Variants in SLC35F1 observed in about 807,000 individuals in gnomAD.
The protein encoded by SLC35F1 is solute carrier family 35 member F1, also known as chromosome 6 open reading frame 169.
SLC35F1 carries 14 observed loss-of-function variants against 48.7 expected under a neutral mutation model. The ratio of observed to expected loss-of-function variants is 0.29; its 90% CI spans 0.19 to 0.45. SLC35F1 has a LOEUF of 0.45. SLC35F1 is among the 20% of genes least tolerant of loss of function. The pLI is 1.00. For synonymous variants in SLC35F1, 190 were observed against 202.2 expected, an observed-to-expected ratio of 0.94 and a Z score of 0.51; for missense variants, 404 against 500.0, an observed-to-expected ratio of 0.81 and a Z score of 1.83.
chr6:118,156,166 CTA>C (rs1774137272), intron 2 of SLC35F1, among the ~76,000 whole-genome samples: 2 of 151,802 alleles, frequency 1.3e-5, no homozygotes, highest in Non-Finnish European at 2.9e-5. Flanking sequence ...TGAATCTCAG[CTA>C]TGTTTCCTGA....
chr6:117,957,608 T>C (rs1448777666), intron 1 of SLC35F1, among the ~76,000 whole-genome samples: 1 of 152,230 alleles, frequency 6.6e-6, no homozygotes, highest in Non-Finnish European at 1.5e-5. Context: ...GATATAGTCA[T>C]GTGCCACATA....
intron 2 of SLC35F1, among the ~76,000 whole-genome samples, chr6:118,194,877 A>G (rs1774779944): frequency 6.6e-6 from 1 of 152,128 alleles, no homozygotes; most frequent in Non-Finnish European, 1.5e-5. Flanking sequence ...CCAAGCCACA[A>G]CACAAAAGAA....
intron 7 of SLC35F1, among the ~76,000 whole-genome samples, chr6:118,286,110 G>A (rs886871964): frequency 6.6e-6 from 1 of 152,166 alleles, no homozygotes; most frequent in African/African-American, 2.4e-5. Flanking sequence ...AACAAGTCCT[G>A]TAAGACAAGA....
At chr6:118,272,689 AT>A (rs1775867256) in intron 4 of SLC35F1, among the ~76,000 whole-genome samples, 1 of 149,436 alleles carries the variant, frequency 6.7e-6, no homozygotes, top group Non-Finnish European at 1.5e-5. Context: ...GATTGAATAA[AT>A]CTCATTAAAA....
intron 1 of SLC35F1, among the ~76,000 whole-genome samples, chr6:117,975,741 A>G (rs1776697756): frequency 6.6e-6 from 1 of 152,228 alleles, no homozygotes; most frequent in African/African-American, 2.4e-5. Context: ...TGTATTCTAA[A>G]TAATCTCCAA....
chr6:118,256,232 G>A (rs1051308525), intron 3 of SLC35F1, among the ~76,000 whole-genome samples: 1 of 94,028 alleles, frequency 1.1e-5, no homozygotes, highest in African/African-American at 3.3e-5. Flanking sequence ...GTGTGTGTGT[G>A]TGTGTGTGTG....
intron 3 of SLC35F1, among the ~76,000 whole-genome samples, chr6:118,238,874 A>G (rs747327508): frequency 1.3e-5 from 2 of 152,284 alleles, no homozygotes; most frequent in African/African-American, 4.8e-5. Flanking sequence ...CAATAGAAGT[A>G]CTGCTGGCAT....
rs148137741 is a variant in SLC35F1, at chr6:117,952,978, T to C, written c.173+45079T>C. ...ATAAACCAGATACAGTTGTAACTGCTCTGGTTGAAGCAGAGAGAAGCGAGA... is the reference window on the plus strand; with the variant it reads ...ATAAACCAGATACAGTTGTAACTGCCCTGGTTGAAGCAGAGAGAAGCGAGA... On this transcript the variant is annotated intron_variant, in intron 1 of 7. Coordinates refer to ENST00000360388, the MANE Select transcript of SLC35F1 (RefSeq NM_001029858.4). 7.1e-3 allele frequency among the ~76,000 whole-genome samples: 1,076 copies of C among 152,272 alleles called. 11 individuals are homozygous for C. The highest frequency in any genetic ancestry group is 0.024 in the African/African-American group (983 of 41,546).
chr6:118,223,848 G>T (rs552831723), intron 2 of SLC35F1, among the ~76,000 whole-genome samples: 1 of 152,316 alleles, frequency 6.6e-6, no homozygotes, highest in African/African-American at 2.4e-5. Context: ...CTGTCATGTT[G>T]TCTCTTAAAT....
chr6:118,177,778 C>A (rs1364184050), intron 2 of SLC35F1, among the ~76,000 whole-genome samples: 2 of 151,744 alleles, frequency 1.3e-5, no homozygotes, highest in Non-Finnish European at 2.9e-5. Flanking sequence ...TTTTAACTTA[C>A]TACTATAGAT....
In SLC35F1 at chr6:118,314,038, T is replaced by C; in HGVS notation, c.1013T>C (p.Leu338Pro). 1 of 1,614,204 alleles carries C rather than the reference T, an allele frequency of 6.2e-7. No homozygotes were observed. Reference sequence around the variant, plus strand: ...GTTGTGTTTTTTTAGTTTTCAGGACTTTATCTCCTGTCTTTCTTCACCATC... The same window carrying C: ...GTTGTGTTTTTTTAGTTTTCAGGACCTTATCTCCTGTCTTTCTTCACCATC... ...LFLFHYKFSG[L>P]YLLSFFTILI... is the part of the protein sequence containing the mutation. The change falls in exon 8 of 8, where the codon CTT becomes CCT. Residue 338 changes from leucine to proline, a missense_variant. This residue lies in a region of SLC35F1 where 306 missense variants were observed against 419.1 expected (regional missense o/e 0.73). Coordinates refer to ENST00000360388, the MANE Select transcript of SLC35F1 (RefSeq NM_001029858.4).
At chr6:118,211,235 T>A (rs923662899) in intron 2 of SLC35F1, among the ~76,000 whole-genome samples, 2 of 152,222 alleles carry the variant, frequency 1.3e-5, no homozygotes, top group African/African-American at 4.8e-5. Context: ...GCAGCCTTAG[T>A]AAACTGACAG....
chr6:118,154,422 GT>G (rs750461990), intron 1 of SLC35F1, 22 bp from the exon 2 acceptor site: 10 of 1,586,606 alleles, frequency 6.3e-6, no homozygotes, highest in South Asian at 3.5e-5. Flanking sequence ...CCTTTGCTGT[GT>G]TTTTTTTCCT....
chr6:118,036,142 G>T (rs1368340898), intron 1 of SLC35F1, among the ~76,000 whole-genome samples: 4 of 151,868 alleles, frequency 2.6e-5, no homozygotes, highest in African/African-American at 9.7e-5. Context: ...GGTTATTGGG[G>T]TTTTTTTCTT....
intron 2 of SLC35F1, among the ~76,000 whole-genome samples, chr6:118,204,743 C>A (rs576784767): frequency 2.0e-4 from 30 of 152,144 alleles, no homozygotes; most frequent in Non-Finnish European, 3.7e-4. Context: ...TAACCAGTAT[C>A]CAAATCAAGA....
intron 7 of SLC35F1, among the ~76,000 whole-genome samples, chr6:118,303,794 C>T (rs985773170): frequency 2.0e-5 from 3 of 152,168 alleles, no homozygotes; most frequent in African/African-American, 7.2e-5. Context: ...CTTAAAAGGA[C>T]ACCAATCCTA....
chr6:118,006,757 C>T (rs1341402789), intron 1 of SLC35F1, among the ~76,000 whole-genome samples: 7 of 151,956 alleles, frequency 4.6e-5, no homozygotes. Flanking sequence ...ATGTAAAGTA[C>T]ACACAATAAA....
intron 2 of SLC35F1, among the ~76,000 whole-genome samples, chr6:118,216,636 ATATT>A (rs1562328399): frequency 6.6e-6 from 1 of 152,094 alleles, no homozygotes; most frequent in East Asian, 1.9e-4. Flanking sequence ...AGAATTGACT[ATATT>A]TATTAATTGT....
At chr6:117,925,181 G>A (rs13206341) in intron 1 of SLC35F1, among the ~76,000 whole-genome samples, 68,769 of 151,950 alleles carry the variant, frequency 0.45, 18,554 homozygotes, top group South Asian at 0.73. Context: ...GTTAATCTAA[G>A]CCAATTAGTT....
Sources: allele counts gnomAD v4.1 joint callset (sites outside exome capture counted in the v4.1 genomes callset), GRCh38; gene constraint gnomAD v4.1.1; regional missense constraint gnomAD v4.1.1; transcripts MANE v1.5; gene names NCBI Gene and HGNC (gene_info 2026-07-23, HGNC 2026-07-21).